Variants in NAV2 observed in about 807,000 individuals in gnomAD.
NAV2 encodes helicase, APC down-regulated 1.
Under a neutral mutation model 223.2 loss-of-function variants are expected in NAV2, and 54 were observed. The ratio of observed to expected loss-of-function variants is 0.24; its 90% CI spans 0.19 to 0.30. NAV2 has a LOEUF of 0.30. NAV2 is among the 10% of genes least tolerant of loss of function. The probability of loss-of-function intolerance (pLI) is 1.00; values close to 1 mark genes in which losing one functional copy is unlikely to be tolerated. For missense variants in NAV2, 2,806 were observed against 3,147.5 expected (o/e 0.89, Z 2.60); for synonymous variants, 1,279 against 1,239.3 (o/e 1.03, Z -0.67).
intron 1 of NAV2, among the ~76,000 whole-genome samples, chr11:19,687,247 A>G (rs575194561): frequency 9.6e-4 from 147 of 152,350 alleles, no homozygotes; most frequent in African/African-American, 3.4e-3. Flanking sequence ...GGAGCCATAC[A>G]GCAGCTCTTG....
At position 19,933,246 on chromosome 11, in the gene NAV2, C is replaced by T; in HGVS notation, c.1002C>T (p.Gly334=). 9 of 1,601,478 alleles carry T rather than the reference C, an allele frequency of 5.6e-6. No individual in the cohort carries two copies. Among genetic ancestry groups the T allele is most frequent in the Middle Eastern group, 1.7e-4 (1 of 5,976 alleles). The stretch of plus-strand genomic sequence containing the variant: ...ATGCACCTGCTTCCTTGGAGAGCGG[C>T]AGCAGCTCCACCCCTACTAATTGCA... ...SDNAPASLES[G]SSSTPTNCST... Residue 334 remains glycine, a synonymous_variant, in exon 7 of 38, where the codon GGC becomes GGT. Transcript: ENST00000349880. The surrounding 1 kb of genome is among the most constrained non-coding windows in gnomAD (Gnocchi z 4.3).
At chr11:19,721,477 G>A (rs2050747257) in intron 1 of NAV2, among the ~76,000 whole-genome samples, 1 of 152,188 alleles carries the variant, frequency 6.6e-6, no homozygotes, top group East Asian at 1.9e-4. Flanking sequence ...AAAATCACTT[G>A]TTGGCATGAG....
At chr11:19,838,337 A>G (rs1018095788) in intron 2 of NAV2, among the ~76,000 whole-genome samples, 6 of 152,118 alleles carry the variant, frequency 3.9e-5, no homozygotes, top group Non-Finnish European at 8.8e-5. Context: ...GAGGGTGTCA[A>G]TCACAGAAAG....
At chr11:19,778,073 C>T in intron 1 of NAV2, 1 of 426,866 alleles carries the variant, frequency 2.3e-6, no homozygotes. Context: ...GGTGCAGGTA[C>T]TTTTTCCCTC....
chr11:19,695,284 A>C lies in NAV2; in HGVS notation c.76-137200A>C, dbSNP rs546050734. Among the ~76,000 whole-genome samples the C allele has an allele frequency of 2.0e-5, 3 of 152,224 alleles. No homozygotes were observed. The South Asian group carries it at 6.2e-4, about 32-fold the overall frequency. On this transcript the variant is annotated intron_variant, in intron 1 of 37. Transcript: ENST00000360655. ...TTTGGAGTCTGCAATCCAAGTTCAA[A>C]ACCCAGTTCAGCCACTTAATAATGG...
At chr11:19,410,245 G>A (rs2133386501) in intron 1 of NAV2, among the ~76,000 whole-genome samples, 1 of 152,218 alleles carries the variant, frequency 6.6e-6, no homozygotes, top group South Asian at 2.1e-4. Context: ...CCTCCTCTGG[G>A]CCCTTTCCTC....
chr11:20,101,911 A>G (rs1288810393), intron 32 of NAV2, among the ~76,000 whole-genome samples: 2 of 152,224 alleles, frequency 1.3e-5, no homozygotes, highest in Non-Finnish European at 2.9e-5. Context: ...CAAAGGGGCC[A>G]GAGAATCAAA....
At chr11:19,673,407 A>G (rs2048623117) in intron 1 of NAV2, among the ~76,000 whole-genome samples, 1 of 152,242 alleles carries the variant, frequency 6.6e-6, no homozygotes, top group South Asian at 2.1e-4. Context: ...CAAATGAAGA[A>G]CAGAAAGGTG....
chr11:19,629,589 A>T (rs1395631673), intron 1 of NAV2, among the ~76,000 whole-genome samples: 3 of 149,436 alleles, frequency 2.0e-5, no homozygotes, highest in Admixed American at 6.7e-5. Flanking sequence ...AGCCTAGGAG[A>T]ATTAATTTCC....
chr11:19,501,233 C>T (rs2042953810), intron 1 of NAV2, among the ~76,000 whole-genome samples: 1 of 152,134 alleles, frequency 6.6e-6, no homozygotes, highest in Admixed American at 6.6e-5. Context: ...CAATATTCTC[C>T]CCCATCTCAA....
chr11:19,404,551 C>CG (rs1282979118), intron 1 of NAV2, among the ~76,000 whole-genome samples: 2 of 46,504 alleles, frequency 4.3e-5, no homozygotes, highest in Admixed American at 2.0e-4. Flanking sequence ...ATAGTTTCTG[C>CG]AGCTTTAACC....
chr11:19,593,832 T>C (rs1300595259), intron 1 of NAV2, among the ~76,000 whole-genome samples: 1 of 152,184 alleles, frequency 6.6e-6, no homozygotes, highest in African/African-American at 2.4e-5. Flanking sequence ...TTGCCATCTG[T>C]ATATTCTTTT....
chr11:19,759,666 T>A (rs961374984), intron 1 of NAV2, among the ~76,000 whole-genome samples: 1 of 152,166 alleles, frequency 6.6e-6, no homozygotes. Flanking sequence ...ACTAGCTATG[T>A]TTTCTTGGGC....
chr11:19,537,291 A>C (rs1167036780), intron 1 of NAV2, among the ~76,000 whole-genome samples: 1 of 152,034 alleles, frequency 6.6e-6, no homozygotes, highest in Non-Finnish European at 1.5e-5. Context: ...AATAATAACA[A>C]CACCCACCAT....
chr11:20,085,303 G>A (rs2060365417), intron 26 of NAV2, among the ~76,000 whole-genome samples: 1 of 152,084 alleles, frequency 6.6e-6, no homozygotes, highest in South Asian at 2.1e-4. Context: ...CACTCTGAAG[G>A]CCCCATTCTC....
intron 1 of NAV2, among the ~76,000 whole-genome samples, chr11:19,391,903 A>T (rs1428047860): frequency 1.3e-5 from 2 of 152,212 alleles, no homozygotes; most frequent in African/African-American, 4.8e-5. Flanking sequence ...GCAGGGATTA[A>T]CCAGCTCTCC....
intron 1 of NAV2, among the ~76,000 whole-genome samples, chr11:19,549,064 T>C (rs972514803): frequency 1.6e-4 from 24 of 152,152 alleles, no homozygotes; most frequent in Admixed American, 1.3e-4. Flanking sequence ...GGCTTGAAGA[T>C]CATCTAGACC....
intron 1 of NAV2, among the ~76,000 whole-genome samples, chr11:19,495,335 T>C (rs2042760659): frequency 2.0e-5 from 3 of 152,150 alleles, no homozygotes; most frequent in African/African-American, 7.2e-5. Context: ...GCACAGACTC[T>C]AAAGGGAGTG....
At chr11:19,901,998 C>A (rs1034447376) in intron 6 of NAV2, among the ~76,000 whole-genome samples, 1 of 152,120 alleles carries the variant, frequency 6.6e-6, no homozygotes, top group East Asian at 1.9e-4. Flanking sequence ...CTCACCTTGC[C>A]CTAGCTGGAG....
Sources: gnomAD v4.1 joint callset for allele counts (sites outside exome capture counted in the v4.1 genomes callset) on GRCh38, gnomAD v4.1.1 for gene constraint, Gnocchi (gnomAD v3.1) non-coding constraint, MANE v1.5 for transcripts, NCBI Gene and HGNC (gene_info 2026-07-23, HGNC 2026-07-21) for gene names.